Variants in SLK observed in about 807,000 individuals in gnomAD.
The protein encoded by SLK is STE20-like serine/threonine-protein kinase.
SLK carries 67 observed loss-of-function variants against 147.7 expected under a neutral mutation model. That is an observed-to-expected ratio of 0.45 (90% CI 0.37 to 0.56). SLK has a LOEUF of 0.56. SLK is among the 20% of genes least tolerant of loss of function. The pLI is 0.00. For synonymous variants in SLK, 441 were observed against 475.0 expected, an observed-to-expected ratio of 0.93 and a Z score of 0.93; for missense variants, 1,136 against 1,438.8, an observed-to-expected ratio of 0.79 and a Z score of 3.41.
At chr10:103,970,175 T>C (rs1477533872) in intron 1 of SLK, among the ~76,000 whole-genome samples, 1 of 152,190 alleles carries the variant, frequency 6.6e-6, no homozygotes, top group Non-Finnish European at 1.5e-5. Context: ...ATGGTAGAAA[T>C]TACTGTTATT....
At chr10:103,996,441 C>G (rs558478602) in intron 4 of SLK, among the ~76,000 whole-genome samples, 9 of 149,372 alleles carry the variant, frequency 6.0e-5, no homozygotes, top group African/African-American at 2.0e-4. Flanking sequence ...CTCTTTCACC[C>G]AGGCCGGACT....
chr10:103,968,599 A>G (rs1371350689), intron 1 of SLK, among the ~76,000 whole-genome samples: 1 of 152,208 alleles, frequency 6.6e-6, no homozygotes, highest in Non-Finnish European at 1.5e-5. Flanking sequence ...AATGTTAACT[A>G]TTTAATATCT....
intron 8 of SLK, 140 bp downstream of exon 8, chr10:104,001,712 C>G: frequency 1.1e-6 from 1 of 881,434 alleles, no homozygotes; most frequent in Non-Finnish European, 1.8e-6. Context: ...GGTTGCTCGT[C>G]GCTGCACATT....
rs1844320432 is a variant in SLK, at chr10:104,006,007, T to C, written c.2576T>C (p.Ile859Thr). 1 of 1,612,650 alleles carries C rather than the reference T, an allele frequency of 6.2e-7. No homozygotes were observed. Among genetic ancestry groups the C allele is most frequent in the Non-Finnish European group, 8.5e-7 (1 of 1,179,646 alleles). Residue 859 changes from isoleucine (I) to threonine (T), a missense_variant, in exon 11 of 19, where the codon ATT becomes ACT. Ile to Thr is a moderately conservative substitution (Grantham distance 89, BLOSUM62 -1). Around this residue, in one of 6 missense-constraint regions of SLK, gnomAD observed 327 missense variants for 457.5 expected, o/e 0.71. Transcript: ENST00000369755. ...AAACTACAGCAACAACGAGAACAAA[T>C]TTTCCGGCGCTTTGAGCAGGAAATG... ...NSKLQQQREQ[I>T]FRRFEQEMMS... is the part of the protein sequence containing the mutation.
At chr10:103,990,500 A>G (rs994589462) in intron 1 of SLK, among the ~76,000 whole-genome samples, 175 bp from the exon 2 acceptor site, 1 of 152,200 alleles carries the variant, frequency 6.6e-6, no homozygotes, top group Non-Finnish European at 1.5e-5. Flanking sequence ...GTGTCTTGCA[A>G]ATATTTTCTC....
At chr10:104,020,749 A>G in intron 17 of SLK, 136 bp downstream of exon 17, 1 of 842,924 alleles carries the variant, frequency 1.2e-6, no homozygotes. Context: ...TGTTTTTTGT[A>G]CAGATCCAAA....
chr10:104,003,911 T>C (rs1264342791), intron 9 of SLK, among the ~76,000 whole-genome samples: 1 of 152,230 alleles, frequency 6.6e-6, no homozygotes, highest in Non-Finnish European at 1.5e-5. Flanking sequence ...TGATTTACCA[T>C]TGGCCCATAC....
chr10:104,021,775 G>C, intron 18 of SLK, 42 bp downstream of exon 18: 1 of 1,009,704 alleles, frequency 9.9e-7, no homozygotes, highest in Non-Finnish European at 1.5e-6. Flanking sequence ...GTGTGTACTC[G>C]TCCGTCTACC....
chr10:103,992,789 T>TTC (rs1844118079), intron 3 of SLK, 143 bp downstream of exon 3: 1 of 709,578 alleles, frequency 1.4e-6, no homozygotes, highest in Non-Finnish European at 2.3e-6. Flanking sequence ...TTTATATTCT[T>TTC]GGATAATTAT....
intron 1 of SLK, among the ~76,000 whole-genome samples, chr10:103,980,212 G>A (rs1446099492): frequency 6.6e-6 from 1 of 150,844 alleles, no homozygotes; most frequent in African/African-American, 2.4e-5. Flanking sequence ...TAGGAGAATT[G>A]TTAGAGCAAA....
At chr10:103,973,495 G>A (rs2134442555) in intron 1 of SLK, among the ~76,000 whole-genome samples, 1 of 152,292 alleles carries the variant, frequency 6.6e-6, no homozygotes, top group South Asian at 2.1e-4. Context: ...ACATTTTCCA[G>A]TTAGCCTGGT....
At chr10:104,022,838 C>T (rs1421663753) in intron 18 of SLK, among the ~76,000 whole-genome samples, 1 of 152,150 alleles carries the variant, frequency 6.6e-6, no homozygotes, top group Non-Finnish European at 1.5e-5. Flanking sequence ...AAACTCCAAA[C>T]CTTAGGTGAT....
At chr10:104,016,037 G>A (rs1844458253) in intron 13 of SLK, among the ~76,000 whole-genome samples, 1 of 151,966 alleles carries the variant, frequency 6.6e-6, no homozygotes, top group Non-Finnish European at 1.5e-5. Flanking sequence ...TTACAGTTGA[G>A]GCTGGGCGCG....
chr10:103,989,835 G>T (rs1019720308), intron 1 of SLK, among the ~76,000 whole-genome samples: 1 of 150,072 alleles, frequency 6.7e-6, no homozygotes, highest in Non-Finnish European at 1.5e-5. Context: ...TGTACTCCTT[G>T]TTTATTACCC....
Position 104,010,821 on chromosome 10 carries a change from A to C in SLK, c.2790A>C (p.Ile930=). 6.3e-7 allele frequency: 1 copy of C among 1,580,716 alleles called. No individual in the cohort carries two copies. The highest frequency in any genetic ancestry group is 8.6e-7 in the Non-Finnish European group (1 of 1,169,308). Residue 930 remains isoleucine, a synonymous_variant, in exon 13 of 19, where the codon ATA becomes ATC. Coordinates refer to ENST00000369755, the MANE Select transcript of SLK (RefSeq NM_014720.4). The part of the protein sequence containing the change: ...NMLKNRKKEV[I]NEVEKAPKEL... ...TGCATGCTTATACACTGTAGGTTAT[A>C]AATGAAGTGGAGAAAGCACCCAAAG...
rs1554842829 is a variant in SLK at position 103,992,159 on chromosome 10, T to TTTTTTC, written c.316-439_316-438insTTTTTC. Among the ~76,000 whole-genome samples, 30 of 138,942 alleles carry TTTTTTC rather than the reference T, an allele frequency of 2.2e-4. 3 individuals carry two copies. The highest frequency in any genetic ancestry group is 6.0e-4 in the African/African-American group (23 of 38,104). 91.2% of individuals were successfully genotyped at this position (138,942 alleles called of 152,430 possible). A position where few individuals can be genotyped will look rare whatever the true frequency, so the allele number is the denominator to read the frequency against. On this transcript the variant is annotated intron_variant, in intron 2 of 18. Transcript: ENST00000369755. ...TTCTTCTGTTTTTTTTTTTTTTTTT[T>TTTTTTC]CTAAAAGAAGTCTCTGTATAAATAT...
intron 1 of SLK, among the ~76,000 whole-genome samples, chr10:103,979,739 A>G (rs1031774079): frequency 6.6e-6 from 1 of 152,160 alleles, no homozygotes; most frequent in Non-Finnish European, 1.5e-5. Context: ...TATGGGGGTC[A>G]TTATACATTT....
At chr10:104,009,946 A>T (rs1199007304) in intron 12 of SLK, among the ~76,000 whole-genome samples, 1 of 152,108 alleles carries the variant, frequency 6.6e-6, no homozygotes, top group Non-Finnish European at 1.5e-5. Flanking sequence ...GTGATTTGGA[A>T]TCTGGTTTCT....
chr10:104,027,772 G>T lies in SLK; in HGVS notation c.*2052G>T, dbSNP rs1408302026. 4 of 151,914 alleles carry T rather than the reference G, an allele frequency of 2.6e-5. No homozygotes were observed. Among genetic ancestry groups the T allele is most frequent in the Non-Finnish European group, 4.4e-5 (3 of 67,994 alleles). The allele number at this position is 151,914 out of a possible 1,614,324, so 9.4% of individuals were successfully genotyped here. On this transcript the variant is annotated 3_prime_UTR_variant, in exon 19 of 19. Transcript: ENST00000369755. The stretch of plus-strand genomic sequence containing the variant: ...ATAGTGTGTGGTGCCTGATTAATTT[G>T]GTCTGAATATTTGATTCTTTCTGTT...
Sources: gnomAD v4.1 joint callset for allele counts (sites outside exome capture counted in the v4.1 genomes callset) on GRCh38, gnomAD v4.1.1 for gene constraint, gnomAD v4.1.1 regional missense constraint, MANE v1.5 for transcripts, NCBI Gene and HGNC (gene_info 2026-07-23, HGNC 2026-07-21) for gene names.